The following RTL4 variants were observed in gnomAD, a reference collection of about 807,000 sequenced individuals.
RTL4 encodes retrotransposon Gag like 4.
A neutral mutation model predicts 5.3 loss-of-function variants in RTL4; 4 were observed. The observed-to-expected ratio is 0.75, with a 90% CI of 0.37 to 1.72. RTL4 has a LOEUF of 1.72. Among genes scored for constraint, RTL4 ranks in the 40% most tolerant of loss-of-function variants. RTL4 has a pLI of 0.04. For synonymous variants in RTL4, 98 were observed against 87.3 expected (o/e 1.12, Z -0.68); for missense variants, 260 against 227.1 (o/e 1.14, Z -0.93).
the RTL4 span, among the ~76,000 whole-genome samples, chrX:112,199,964 C>T: frequency 9.8e-5 from 11 of 111,787 alleles, no homozygotes; most frequent in Admixed American, 1.9e-4. Context: ...TTATTAATGG[C>T]GTTCTATGCA....
the RTL4 span, among the ~76,000 whole-genome samples, chrX:112,126,962 A>G: frequency 8.9e-6 from 1 of 112,250 alleles, no homozygotes; most frequent in African/African-American, 3.2e-5. Flanking sequence ...GTCCAGGAAC[A>G]GATGGCTTCA....
the RTL4 span, among the ~76,000 whole-genome samples, chrX:112,211,233 T>G: frequency 9.0e-6 from 1 of 111,406 alleles, no homozygotes; most frequent in South Asian, 3.8e-4. Flanking sequence ...ATTTTAACGG[T>G]TTTTCATAGC....
At chrX:112,249,532 A>G in the RTL4 span, among the ~76,000 whole-genome samples, 27 of 111,077 alleles carry the variant, frequency 2.4e-4, no homozygotes, top group Admixed American at 2.5e-3. Context: ...GCCCTCCCAA[A>G]TCAGCATGGG....
At chrX:112,163,794 C>T in the RTL4 span, among the ~76,000 whole-genome samples, 1 of 111,541 alleles carries the variant, frequency 9.0e-6, no homozygotes, top group Non-Finnish European at 1.9e-5. Flanking sequence ...ATGCAAAGTA[C>T]CTAGCAGAGG....
At chrX:112,454,228 T>TA (rs953577325), upstream of RTL4, among the ~76,000 whole-genome samples, 5 of 111,667 alleles carry the variant, frequency 4.5e-5, no homozygotes, top group Admixed American at 3.8e-4. Flanking sequence ...GTAATGAGCT[T>TA]AAAAAAACAA....
At chrX:112,250,348 G>GTTTTGTTTTGTTTTGT in the RTL4 span, among the ~76,000 whole-genome samples, 1 of 111,218 alleles carries the variant, frequency 9.0e-6, no homozygotes, top group South Asian at 3.8e-4. Context: ...TTAGTTTTTT[G>GTTTTGTTTTGTTTTGT]TTTTGTTTTG....
At chrX:112,296,913 G>A in the RTL4 span, among the ~76,000 whole-genome samples, 2 of 110,066 alleles carry the variant, frequency 1.8e-5, no homozygotes, top group African/African-American at 3.3e-5. Context: ...CACCGCGCCT[G>A]GCTGAGAATC....
chrX:112,426,116 G>A, the RTL4 span, among the ~76,000 whole-genome samples: 1 of 111,157 alleles, frequency 9.0e-6, no homozygotes, highest in Non-Finnish European at 1.9e-5. Context: ...ACATGTATAA[G>A]GTCTGTGTTT....
chrX:112,176,505 G>A, the RTL4 span, among the ~76,000 whole-genome samples: 1 of 111,274 alleles, frequency 9.0e-6, no homozygotes, highest in Non-Finnish European at 1.9e-5. Flanking sequence ...GAATCTCCAA[G>A]GAAGCCTCAC....
chrX:112,116,378 C>T, the RTL4 span, among the ~76,000 whole-genome samples: 13 of 110,649 alleles, frequency 1.2e-4, no homozygotes, highest in African/African-American at 4.3e-4. Flanking sequence ...GGCATGGACC[C>T]AAAGGGTGAG....
the RTL4 span, among the ~76,000 whole-genome samples, chrX:112,358,625 T>C: frequency 1.7e-3 from 193 of 111,840 alleles, no homozygotes; most frequent in African/African-American, 5.9e-3. Context: ...TCTTGACTTC[T>C]GTAGTACTGG....
At chrX:112,407,288 TC>T in the RTL4 span, among the ~76,000 whole-genome samples, 1 of 109,340 alleles carries the variant, frequency 9.1e-6, no homozygotes, top group East Asian at 2.9e-4. Context: ...TGAAGGGGAG[TC>T]CCAGGCCAGG....
the RTL4 span, among the ~76,000 whole-genome samples, chrX:112,315,060 C>A: frequency 9.0e-6 from 1 of 111,516 alleles, no homozygotes; most frequent in African/African-American, 3.3e-5. Flanking sequence ...TAATGGCGGT[C>A]CTTACAACAA....
the RTL4 span, among the ~76,000 whole-genome samples, chrX:112,104,004 T>C: frequency 9.0e-6 from 1 of 111,321 alleles, no homozygotes; most frequent in African/African-American, 3.3e-5. Flanking sequence ...ATTCCTCCTA[T>C]ATAACTGAAA....
chrX:112,306,512 G>A, the RTL4 span, among the ~76,000 whole-genome samples: 5 of 111,573 alleles, frequency 4.5e-5, no homozygotes, highest in African/African-American at 1.6e-4. Flanking sequence ...CCTGCCCGAG[G>A]TCACACAGGT....
chrX:112,279,609 A>C, the RTL4 span, among the ~76,000 whole-genome samples: 1 of 110,523 alleles, frequency 9.0e-6, no homozygotes, highest in African/African-American at 3.3e-5. Context: ...GGTTAACTTA[A>C]AAAAAAATGT....
chrX:112,106,760 T>C, the RTL4 span, among the ~76,000 whole-genome samples: 1 of 112,117 alleles, frequency 8.9e-6, no homozygotes, highest in Non-Finnish European at 1.9e-5. Flanking sequence ...TCCATGATGA[T>C]TAGTGATCTT....
chrX:112,278,543 G>T, the RTL4 span, among the ~76,000 whole-genome samples: 1 of 111,412 alleles, frequency 9.0e-6, no homozygotes, highest in African/African-American at 3.3e-5. Flanking sequence ...GGCTTTATTA[G>T]TTATTACTGG....
the RTL4 span, among the ~76,000 whole-genome samples, chrX:112,295,337 C>G: frequency 8.9e-6 from 1 of 111,781 alleles, no homozygotes; most frequent in South Asian, 3.8e-4. Flanking sequence ...CCTTATCTCC[C>G]TGGCTTCTAG....
Sources: gnomAD v4.1 joint callset for allele counts (sites outside exome capture counted in the v4.1 genomes callset) on GRCh38, gnomAD v4.1.1 for gene constraint, MANE v1.5 for transcripts, NCBI Gene and HGNC (gene_info 2026-07-23, HGNC 2026-07-21) for gene names.